The following GRB10 variants were observed in gnomAD, a reference collection of about 807,000 sequenced individuals.
GRB10 encodes growth factor receptor-bound protein 10.
GRB10 carries 20 observed loss-of-function variants against 80.9 expected under a neutral mutation model. The ratio of observed to expected loss-of-function variants is 0.25; its 90% confidence interval spans 0.17 to 0.36. The LOEUF (loss-of-function observed/expected upper bound fraction) is 0.36, where lower values mean the gene tolerates loss of function less well. Among genes scored for constraint, GRB10 ranks in the 10% least tolerant of loss-of-function variants. The probability of loss-of-function intolerance (pLI) is 1.00; values close to 1 mark genes in which losing one functional copy is unlikely to be tolerated. For synonymous variants in GRB10, 291 were observed against 291.5 expected, an observed-to-expected ratio of 1.00 and a Z score of 0.02; for missense variants, 548 against 747.7, an observed-to-expected ratio of 0.73 and a Z score of 3.12.
rs117509718 is a variant in GRB10 at position 50,702,345 on chromosome 7, C to T, written c.139+1476G>A. Among the ~76,000 whole-genome samples the T allele has an allele frequency of 1.9e-3, 292 of 152,346 alleles. 5 individuals carry two copies. In the East Asian group the frequency reaches 0.023, roughly 12 times the overall value. ...CCAGTCACTGCCGGAGAAGGGAAAG[C>T]GCAGCCCTTTGTATTCCCTAGGACC... On this transcript the variant is annotated intron_variant, in intron 5 of 18. Coordinates refer to ENST00000401949, the MANE Select transcript of GRB10 (RefSeq NM_001350814.2).
At chr7:50,645,617 C>G (rs922591544) in intron 7 of GRB10, 1 of 985,268 alleles carries the variant, frequency 1.0e-6, no homozygotes, top group Non-Finnish European at 1.2e-6. Flanking sequence ...TCCAATCGCC[C>G]GGAGTTCTCA....
intron 3 of GRB10, among the ~76,000 whole-genome samples, chr7:50,750,819 T>C (rs921175346): frequency 2.6e-5 from 4 of 152,312 alleles, no homozygotes; most frequent in African/African-American, 9.6e-5. Flanking sequence ...AGTCTCAGCA[T>C]CAAGCCTGCA....
intron 7 of GRB10, among the ~76,000 whole-genome samples, chr7:50,665,530 G>C (rs1361521446): frequency 6.6e-6 from 1 of 152,208 alleles, no homozygotes; most frequent in Non-Finnish European, 1.5e-5. Flanking sequence ...CCAAGGGTCT[G>C]ACCGGCCCAG....
chr7:50,609,883 A>G (rs1170403554), intron 13 of GRB10, among the ~76,000 whole-genome samples: 1 of 152,264 alleles, frequency 6.6e-6, no homozygotes, highest in African/African-American at 2.4e-5. Context: ...AAAGCTAAGT[A>G]AAGCCATGCC....
chr7:50,659,546 C>T (rs1224369050), intron 7 of GRB10, among the ~76,000 whole-genome samples: 2 of 152,362 alleles, frequency 1.3e-5, no homozygotes, highest in African/African-American at 2.4e-5. Context: ...CAGGGCTGCT[C>T]CCAGGTCGCT....
At chr7:50,760,295 T>C (rs550968903) in intron 2 of GRB10, among the ~76,000 whole-genome samples, 2 of 152,342 alleles carry the variant, frequency 1.3e-5, no homozygotes, top group East Asian at 3.9e-4. Flanking sequence ...TACATAGGTA[T>C]GCATATTTTA....
intron 7 of GRB10, among the ~76,000 whole-genome samples, chr7:50,667,978 G>C (rs2059981137): frequency 6.6e-6 from 1 of 152,186 alleles, no homozygotes; most frequent in African/African-American, 2.4e-5. Flanking sequence ...CAACCTCAGT[G>C]ACAAAACCCA....
intron 4 of GRB10, among the ~76,000 whole-genome samples, chr7:50,706,992 T>C (rs2065129498): frequency 6.6e-6 from 1 of 152,262 alleles, no homozygotes; most frequent in Admixed American, 6.5e-5. Flanking sequence ...GTAAGTTCAT[T>C]CACATTTGTA....
Position 50,616,292 on chromosome 7 carries a change from T to A in GRB10, c.902A>T (p.Glu301Val). The change falls in exon 11 of 19, where the codon GAG (glutamate) becomes GTG (valine). Residue 301 changes from glutamate to valine, a missense_variant. This residue lies in a region of GRB10 where 270 missense variants were observed against 433.6 expected (regional missense o/e 0.62). Transcript: ENST00000401949. ...PEIQGFLHVK[E>V]LGKKSWKKLY... ...CTTTTTCCATGATTTCTTTCCCAGC[T>A]CTTTCACATGCAAAAACCCTTGAAT... The A allele has an allele frequency of 6.2e-7, 1 of 1,614,184 alleles. No homozygotes were observed. The highest frequency in any genetic ancestry group is 8.5e-7 in the Non-Finnish European group (1 of 1,180,004).
chr7:50,613,861 C>T (rs959328237), intron 12 of GRB10, among the ~76,000 whole-genome samples: 4 of 152,162 alleles, frequency 2.6e-5, no homozygotes, highest in African/African-American at 7.2e-5. Flanking sequence ...AGGGGCTCCC[C>T]GTATTGTGTG....
chr7:50,616,458 G>T, intron 10 of GRB10, 111 bp from the exon 11 acceptor site: 2 of 1,010,306 alleles, frequency 2.0e-6, no homozygotes, highest in Non-Finnish European at 3.0e-6. Flanking sequence ...CTCCTTTTTG[G>T]ATCAAAATGA....
At chr7:50,709,730 G>C (rs1256175916) in intron 4 of GRB10, among the ~76,000 whole-genome samples, 1 of 152,130 alleles carries the variant, frequency 6.6e-6, no homozygotes, top group Non-Finnish European at 1.5e-5. Flanking sequence ...AGAAAATGGT[G>C]AGCTGTGCTG....
intron 2 of GRB10, among the ~76,000 whole-genome samples, chr7:50,775,161 C>CAAAAAAAAA (rs777553621): frequency 4.2e-4 from 13 of 31,008 alleles, no homozygotes; most frequent in East Asian, 1.1e-3. Flanking sequence ...ATCCTGTCTC[C>CAAAAAAAAA]AAAAAAAAAA....
intron 4 of GRB10, among the ~76,000 whole-genome samples, chr7:50,728,133 T>C (rs1018991463): frequency 2.6e-5 from 4 of 151,632 alleles, no homozygotes; most frequent in East Asian, 2.0e-4. Context: ...ACTTCCCACC[T>C]CAAGGGTTAA....
chr7:50,770,092 C>A (rs560767932), intron 2 of GRB10, among the ~76,000 whole-genome samples: 63 of 152,286 alleles, frequency 4.1e-4, no homozygotes, highest in African/African-American at 1.5e-3. Context: ...GCCAAGCTTC[C>A]CAAGAGTCCC....
intron 7 of GRB10, among the ~76,000 whole-genome samples, chr7:50,652,378 G>A (rs955233042): frequency 1.3e-5 from 2 of 152,274 alleles, no homozygotes; most frequent in East Asian, 3.9e-4. Context: ...TGGCATAAAA[G>A]TTGTTCACCT....
rs960896983 is a variant in GRB10, at chr7:50,605,054, T to C, written c.1389+236A>G. 5.3e-6 allele frequency: 3 copies of C among 564,256 alleles called. No individual in the cohort carries two copies. The African/African-American group carries it at 5.7e-5, about 11-fold the overall frequency. The allele number at this position is 564,256 out of a possible 1,614,324, so 35.0% of individuals were successfully genotyped here. A position where few individuals can be genotyped will look rare whatever the true frequency, so the allele number is the denominator to read the frequency against. On this transcript the variant is annotated intron_variant, in intron 15 of 18. Transcript: ENST00000401949. ...CACGGAGGGCAGAGAACTCTGTTCC[T>C]CTCCTGTCCCTTCCATGAAAGCCCA...
chr7:50,600,587 G>A (rs1254397302), intron 17 of GRB10, among the ~76,000 whole-genome samples: 1 of 152,164 alleles, frequency 6.6e-6, no homozygotes, highest in African/African-American at 2.4e-5. Context: ...GGAGCAGAGG[G>A]AAGGAAGGAG....
At chr7:50,643,956 C>T (rs1038185828) in intron 7 of GRB10, among the ~76,000 whole-genome samples, 8 of 152,048 alleles carry the variant, frequency 5.3e-5, no homozygotes, top group African/African-American at 1.2e-4. Flanking sequence ...AACATACGTG[C>T]GTGAAAATAA....
Sources: allele counts gnomAD v4.1 joint callset (sites outside exome capture counted in the v4.1 genomes callset), GRCh38; gene constraint gnomAD v4.1.1; regional missense constraint gnomAD v4.1.1; transcripts MANE v1.5; gene names NCBI Gene and HGNC (gene_info 2026-07-23, HGNC 2026-07-21).